ADGRV1: variants seen among roughly 807,000 people sequenced by gnomAD.
The protein encoded by ADGRV1 is adhesion G protein-coupled receptor V1.
In ADGRV1, 359 loss-of-function variants were observed where a neutral mutation model predicts 596.2. The observed-to-expected ratio is 0.60, with a 90% CI of 0.55 to 0.66. The LOEUF (loss-of-function observed/expected upper bound fraction) is 0.66, where lower values mean the gene tolerates loss of function less well. Ranked by LOEUF, ADGRV1 falls within the 30% of genes least tolerant of loss-of-function variation. The pLI, the probability that ADGRV1 is intolerant of heterozygous loss-of-function variation, is 0.00. For missense variants in ADGRV1, 7,274 were observed against 7,575.6 expected (o/e 0.96, Z 1.48); for synonymous variants, 2,681 against 2,679.2 (o/e 1.00, Z -0.02).
At chr5:90,580,762 G>T (rs1285584845) in intron 1 of ADGRV1, among the ~76,000 whole-genome samples, 2 of 151,684 alleles carry the variant, frequency 1.3e-5, no homozygotes, top group African/African-American at 4.8e-5. Context: ...TGTGTGTTGG[G>T]GTTGCTCTTC....
At chr5:90,748,316 T>C (rs1754852345) in intron 52 of ADGRV1, among the ~76,000 whole-genome samples, 1 of 152,222 alleles carries the variant, frequency 6.6e-6, no homozygotes, top group Non-Finnish European at 1.5e-5. Context: ...ATATGTAAAT[T>C]TAAGTTTCCT....
intron 83 of ADGRV1, among the ~76,000 whole-genome samples, chr5:90,925,554 A>T (rs535453590): frequency 6.6e-6 from 1 of 152,070 alleles, no homozygotes; most frequent in Admixed American, 6.6e-5. Context: ...GGTTTTCTAG[A>T]TATACAGTCA....
chr5:91,136,103 G>A (rs964084885), intron 87 of ADGRV1, among the ~76,000 whole-genome samples: 3 of 152,098 alleles, frequency 2.0e-5, no homozygotes, highest in Admixed American at 2.0e-4. Flanking sequence ...TGCCTGTAGT[G>A]GAGAATCTGA....
In ADGRV1 at chr5:91,039,766, C is replaced by T. The variant is rs571866194; in HGVS notation, c.18153-32681C>T. ...ATAAGATGAAGGAAAGATAATGATG[C>T]AGTAATATACATTAAAAGATGGAAG... On this transcript the variant is annotated intron_variant, in intron 85 of 89. Transcript: ENST00000405460. 2.8e-4 allele frequency among the ~76,000 whole-genome samples: 42 copies of T among 152,170 alleles called. 1 individual carries two copies. The South Asian group carries it at 8.7e-3, about 32-fold the overall frequency.
intron 87 of ADGRV1, among the ~76,000 whole-genome samples, chr5:91,128,035 A>C (rs56945744): frequency 0.015 from 2,238 of 152,122 alleles, 70 homozygotes; most frequent in African/African-American, 0.052. Flanking sequence ...AAAATGAAAG[A>C]AAGCAAGCCT....
chr5:90,671,571 G>T (rs957224041), intron 21 of ADGRV1, among the ~76,000 whole-genome samples: 1 of 152,198 alleles, frequency 6.6e-6, no homozygotes, highest in Non-Finnish European at 1.5e-5. Flanking sequence ...ACTATTGTCG[G>T]TTTGTAGACA....
chr5:90,977,425 A>G (rs1322893544), intron 84 of ADGRV1, among the ~76,000 whole-genome samples: 1 of 152,246 alleles, frequency 6.6e-6, no homozygotes, highest in Non-Finnish European at 1.5e-5. Context: ...TTAATAATCA[A>G]CTATTAAACA....
At chr5:90,682,893 G>A (rs531629611) in intron 27 of ADGRV1, among the ~76,000 whole-genome samples, 128 of 151,998 alleles carry the variant, frequency 8.4e-4, no homozygotes, top group African/African-American at 3.0e-3. Flanking sequence ...TTATACTTTG[G>A]GTCAAATATG....
chr5:90,725,299 C>T (rs1751620661), intron 47 of ADGRV1, 67 bp downstream of exon 47: 7 of 1,050,294 alleles, frequency 6.7e-6, no homozygotes, highest in Middle Eastern at 3.1e-4. Context: ...TAAGATTGTT[C>T]AAATTGGAAG....
intron 21 of ADGRV1, among the ~76,000 whole-genome samples, chr5:90,668,714 TATTC>T (rs889751803): frequency 5.3e-5 from 8 of 152,160 alleles, no homozygotes; most frequent in African/African-American, 1.9e-4. Flanking sequence ...TTGTACAAAA[TATTC>T]ATTAAATTTT....
Position 90,811,177 on chromosome 5 carries a change from G to A in ADGRV1, c.15917G>A (p.Gly5306Glu). The A allele has an allele frequency of 1.2e-6, 2 of 1,613,822 alleles. No homozygotes were observed. Among genetic ancestry groups the A allele is most frequent in the Non-Finnish European group, 1.7e-6 (2 of 1,179,794 alleles). ...EQTLTLIFLD[G>E]ERERKVSVQI... is the part of the protein sequence containing the mutation. ...ACTCTTACCCTTATATTCCTAGATGGAGAAAGAGAACGTAAAGTATCAGTT... is the reference window on the plus strand; with the variant it reads ...ACTCTTACCCTTATATTCCTAGATGAAGAAAGAGAACGTAAAGTATCAGTT... The change falls in exon 74 of 90, where the codon GGA (glycine) becomes GAA (glutamate). Residue 5306 changes from glycine (G) to glutamate (E), a missense_variant. Gly to Glu is a moderately conservative substitution (Grantham distance 98). Around this residue, in one of 5 missense-constraint regions of ADGRV1, gnomAD observed 1,874 missense variants for 1,970.2 expected, o/e 0.95. Transcript: ENST00000405460.
intron 77 of ADGRV1, among the ~76,000 whole-genome samples, chr5:90,835,857 A>G (rs544063343): frequency 1.5e-4 from 23 of 152,336 alleles, no homozygotes; most frequent in Admixed American, 1.3e-3. Context: ...ATGGCTAAAG[A>G]AAGATCTTTA....
intron 75 of ADGRV1, among the ~76,000 whole-genome samples, chr5:90,821,690 G>C (rs1020699205): frequency 2.0e-5 from 3 of 151,794 alleles, no homozygotes; most frequent in Non-Finnish European, 2.9e-5. Context: ...AGGTGTCAGT[G>C]TGCCCCTGCT....
rs2149381376 is a variant in ADGRV1 at position 90,628,653 on chromosome 5, C to A, written c.1330C>A (p.Pro444Thr). Residue 444 changes from proline to threonine, a missense_variant, in exon 8 of 90, where the codon CCA (proline) becomes ACA (threonine). Physicochemically the swap from Pro to Thr is conservative, Grantham distance 38. Coordinates refer to ENST00000405460, the MANE Select transcript of ADGRV1 (RefSeq NM_032119.4). ...GACACGGAACAGCACTGATCCCTCACCAGTAACAGCAGATATCAGACCGAG... is the reference window on the plus strand; with the variant it reads ...GACACGGAACAGCACTGATCCCTCAACAGTAACAGCAGATATCAGACCGAG... ...VLTRNSTDPS[P>T]VTADIRPSSG... 1 of 1,613,974 alleles carries A rather than the reference C, an allele frequency of 6.2e-7. No individual in the cohort carries two copies. The highest frequency in any genetic ancestry group is 8.5e-7 in the Non-Finnish European group (1 of 1,179,864).
chr5:91,106,932 T>G (rs948045939), intron 87 of ADGRV1, among the ~76,000 whole-genome samples: 1 of 152,098 alleles, frequency 6.6e-6, no homozygotes. Context: ...AAAAGAAAGC[T>G]CAAGAGGACG....
At chr5:91,026,394 C>T (rs772138581) in intron 85 of ADGRV1, among the ~76,000 whole-genome samples, 3 of 151,960 alleles carry the variant, frequency 2.0e-5, no homozygotes, top group Non-Finnish European at 2.9e-5. Flanking sequence ...TAAAGTCCTG[C>T]GATTTAATTA....
intron 76 of ADGRV1, among the ~76,000 whole-genome samples, chr5:90,827,298 G>T (rs1246565168): frequency 6.6e-6 from 1 of 152,078 alleles, no homozygotes; most frequent in Admixed American, 6.5e-5. Context: ...CATATGATCT[G>T]CAAGTCTTGA....
chr5:90,721,119 A>G, intron 45 of ADGRV1, 60 bp downstream of exon 45: 2 of 1,455,142 alleles, frequency 1.4e-6, no homozygotes, highest in Non-Finnish European at 1.9e-6. Flanking sequence ...CATGTATAAG[A>G]TTTATATTTT....
At chr5:90,579,991 G>A (rs1469822967) in intron 1 of ADGRV1, among the ~76,000 whole-genome samples, 1 of 151,376 alleles carries the variant, frequency 6.6e-6, no homozygotes, top group East Asian at 1.9e-4. Flanking sequence ...CCTTTATTTT[G>A]AGCCTATGTG....
Sources: allele counts gnomAD v4.1 joint callset (sites outside exome capture counted in the v4.1 genomes callset), GRCh38; gene constraint gnomAD v4.1.1; regional missense constraint gnomAD v4.1.1; transcripts MANE v1.5; gene names NCBI Gene and HGNC (gene_info 2026-07-23, HGNC 2026-07-21).